Variants in ZMAT4 observed in about 807,000 individuals in gnomAD.
The protein encoded by ZMAT4 is zinc finger matrin-type 4.
In ZMAT4, 17 loss-of-function variants were observed where a neutral mutation model predicts 28.7. That is an observed-to-expected ratio of 0.59 (90% CI 0.41 to 0.89). The LOEUF (loss-of-function observed/expected upper bound fraction) is 0.89. Ranked by LOEUF, ZMAT4 falls within the 40% of genes least tolerant of loss-of-function variation. The probability of loss-of-function intolerance (pLI) is 0.00; values close to 1 mark genes in which losing one functional copy is unlikely to be tolerated. For synonymous variants in ZMAT4, 117 were observed against 109.2 expected, an observed-to-expected ratio of 1.07 and a Z score of -0.44; for missense variants, 240 against 283.8, an observed-to-expected ratio of 0.85 and a Z score of 1.11.
At chr8:40,554,754 G>C (rs1414915738) in intron 6 of ZMAT4, among the ~76,000 whole-genome samples, 1 of 152,112 alleles carries the variant, frequency 6.6e-6, no homozygotes, top group African/African-American at 2.4e-5. Flanking sequence ...TGAAGATCAA[G>C]CCAGCATATT....
At chr8:40,781,933 G>A (rs770242447) in intron 2 of ZMAT4, among the ~76,000 whole-genome samples, 102 of 152,130 alleles carry the variant, frequency 6.7e-4, no homozygotes, top group Non-Finnish European at 1.2e-3. Context: ...ACCATATACA[G>A]AAGTTAACTC....
intron 1 of ZMAT4, among the ~76,000 whole-genome samples, chr8:40,883,574 A>C (rs984418126): frequency 1.2e-4 from 18 of 152,180 alleles, no homozygotes; most frequent in African/African-American, 4.3e-4. Flanking sequence ...TCTCCAAGAC[A>C]GTTTCTTAAG....
chr8:40,763,649 A>G (rs778772529), intron 3 of ZMAT4, among the ~76,000 whole-genome samples: 7 of 152,316 alleles, frequency 4.6e-5, no homozygotes, highest in Non-Finnish European at 8.8e-5. Flanking sequence ...TTTTAATCTC[A>G]GGTCTGACCA....
intron 1 of ZMAT4, among the ~76,000 whole-genome samples, chr8:40,886,198 G>A (rs1818446492): frequency 6.6e-6 from 1 of 152,220 alleles, no homozygotes; most frequent in Non-Finnish European, 1.5e-5. Flanking sequence ...CCAGAGCCAG[G>A]GTGTCCCTTG....
At chr8:40,620,658 C>A (rs952022506) in intron 5 of ZMAT4, among the ~76,000 whole-genome samples, 6 of 152,160 alleles carry the variant, frequency 3.9e-5, no homozygotes, top group African/African-American at 1.4e-4. Flanking sequence ...ACTTGTTTTA[C>A]AAATGTTATT....
chr8:40,862,596 A>G (rs918826087), intron 1 of ZMAT4, among the ~76,000 whole-genome samples: 26 of 147,002 alleles, frequency 1.8e-4, no homozygotes, highest in African/African-American at 5.5e-4. Context: ...AAAAAAAAAA[A>G]AAAAGAAAAT....
intron 5 of ZMAT4, among the ~76,000 whole-genome samples, chr8:40,648,036 C>G (rs191080838): frequency 0.02 from 2,989 of 152,292 alleles, 90 homozygotes; most frequent in African/African-American, 0.068. Flanking sequence ...GCCAAAGGAA[C>G]GCAGTTCCTC....
At chr8:40,602,903 T>A (rs1319309806) in intron 5 of ZMAT4, among the ~76,000 whole-genome samples, 5 of 152,314 alleles carry the variant, frequency 3.3e-5, no homozygotes, top group Admixed American at 3.3e-4. Flanking sequence ...GTGCAGAAGT[T>A]TTTAGTTTAA....
At chr8:40,704,890 T>G (rs1452260863) in intron 3 of ZMAT4, among the ~76,000 whole-genome samples, 1 of 152,220 alleles carries the variant, frequency 6.6e-6, no homozygotes, top group Non-Finnish European at 1.5e-5. Context: ...TGTTATTGTG[T>G]GAGTTTGTCC....
At chr8:40,540,635 C>G (rs1802998838) in intron 6 of ZMAT4, among the ~76,000 whole-genome samples, 1 of 152,166 alleles carries the variant, frequency 6.6e-6, no homozygotes, top group African/African-American at 2.4e-5. Flanking sequence ...ATGGGAACCC[C>G]AAATTTGTAG....
At chr8:40,612,805 G>GTTTTTTTTTTTTTTTTTTTTT (rs1491257030) in intron 5 of ZMAT4, among the ~76,000 whole-genome samples, 1 of 93,586 alleles carries the variant, frequency 1.1e-5, no homozygotes, top group Non-Finnish European at 2.7e-5. Flanking sequence ...CTGTATTTTG[G>GTTTTTTTTTTTTTTTTTTTTT]TTTTTGTTTT....
At chr8:40,539,828 T>C (rs1802970031) in intron 6 of ZMAT4, among the ~76,000 whole-genome samples, 1 of 152,236 alleles carries the variant, frequency 6.6e-6, no homozygotes, top group Non-Finnish European at 1.5e-5. Flanking sequence ...ATGATAGCAG[T>C]ATCTTTGTAA....
chr8:40,873,439 G>C (rs1817932277), intron 1 of ZMAT4, among the ~76,000 whole-genome samples: 1 of 152,170 alleles, frequency 6.6e-6, no homozygotes, highest in African/African-American at 2.4e-5. Flanking sequence ...GCCCCACTCA[G>C]TGCAGGGATT....
At chr8:40,826,340 G>A (rs1252463392) in intron 1 of ZMAT4, among the ~76,000 whole-genome samples, 1 of 151,944 alleles carries the variant, frequency 6.6e-6, no homozygotes, top group Non-Finnish European at 1.5e-5. Flanking sequence ...AGTACATATA[G>A]CATTATACAA....
chr8:40,769,305 GAAAC>G (rs1209693335), intron 2 of ZMAT4, among the ~76,000 whole-genome samples: 1 of 152,256 alleles, frequency 6.6e-6, no homozygotes, highest in African/African-American at 2.4e-5. Flanking sequence ...TTTTTTAAGA[GAAAC>G]AGACATGTAG....
At chr8:40,736,784 G>A (rs1448159178) in intron 3 of ZMAT4, among the ~76,000 whole-genome samples, 8 of 143,056 alleles carry the variant, frequency 5.6e-5, no homozygotes, top group African/African-American at 1.6e-4. Context: ...AAGCAAAGCA[G>A]GATGTGAAAA....
At position 40,796,810 on chromosome 8, in the gene ZMAT4, T is replaced by C. The variant is rs534597917; in HGVS notation, c.102+28765A>G. Among the ~76,000 whole-genome samples the C allele has an allele frequency of 3.9e-5, 6 of 152,330 alleles. No homozygotes were observed. The East Asian group carries it at 1.2e-3, about 29-fold the overall frequency. On this transcript the variant is annotated intron_variant, in intron 2 of 6. Transcript: ENST00000297737. Reference sequence around the variant, plus strand: ...TCAGAGGTCACCTTGTTTTCTCTCTTTCTTCTGAGTGTCAGGGAAACTGCA... The same window carrying C: ...TCAGAGGTCACCTTGTTTTCTCTCTCTCTTCTGAGTGTCAGGGAAACTGCA...
intron 6 of ZMAT4, among the ~76,000 whole-genome samples, chr8:40,574,308 G>C (rs2118518986): frequency 6.6e-6 from 1 of 152,028 alleles, no homozygotes; most frequent in South Asian, 2.1e-4. Flanking sequence ...ATGAATAAAA[G>C]TTGATACAAA....
At chr8:40,889,710 T>G (rs1162239541) in intron 1 of ZMAT4, among the ~76,000 whole-genome samples, 1 of 152,248 alleles carries the variant, frequency 6.6e-6, no homozygotes, top group Non-Finnish European at 1.5e-5. Flanking sequence ...TCAATGTAAT[T>G]TTAATAGTTT....
Sources: allele counts gnomAD v4.1 joint callset (sites outside exome capture counted in the v4.1 genomes callset), GRCh38; gene constraint gnomAD v4.1.1; transcripts MANE v1.5; gene names NCBI Gene and HGNC (gene_info 2026-07-23, HGNC 2026-07-21).